The following EGLN2 variants were observed in gnomAD, a reference collection of about 807,000 sequenced individuals.
EGLN2 encodes the protein egl-9 family hypoxia inducible factor 2.
In EGLN2, 15 loss-of-function variants were observed where a neutral mutation model predicts 38.2. The observed-to-expected ratio is 0.39, with a 90% CI of 0.26 to 0.60. The LOEUF is 0.60. Ranked by LOEUF, EGLN2 falls within the 20% of genes least tolerant of loss-of-function variation. EGLN2 has a pLI of 0.50. For missense variants in EGLN2, 492 were observed against 570.4 expected (o/e 0.86, Z 1.40); for synonymous variants, 284 against 237.4 (o/e 1.20, Z -1.81).
chr19:40,807,854 C>T lies in EGLN2; in HGVS notation c.1214C>T (p.Thr405Met), dbSNP rs141698095. ...CAAGTACCTGTATCACAGCCGCCTA[C>T]GCCCACCTAGTGGCCAGTCCCAGAG... The part of the protein sequence containing the change: ...GVQVPVSQPP[T>M]PT The change falls in exon 6 of 6, where the codon ACG becomes ATG. Residue 405 changes from threonine (T) to methionine (M), a missense_variant. Physicochemically the swap from Thr to Met is moderately conservative, Grantham distance 81 (BLOSUM62 -1). Transcript: ENST00000303961. 961 of 1,614,140 alleles carry T rather than the reference C, an allele frequency of 6.0e-4. 1 individual carries two copies. The highest frequency in any genetic ancestry group is 5.9e-4 in the Non-Finnish European group (702 of 1,179,992).
chr19:40,806,490 A>G lies in EGLN2; in HGVS notation c.844-65A>G. 3.1e-6 allele frequency: 5 copies of G among 1,601,660 alleles called. No individual in the cohort carries two copies. In the South Asian group the frequency reaches 4.4e-5, roughly 14 times the overall value. Reference sequence around the variant, plus strand: ...GGAGGGGTGGGAAAATAGGTAATTCATGGCTGCTTCTCTAAGATGTGCCTG... The same window carrying G: ...GGAGGGGTGGGAAAATAGGTAATTCGTGGCTGCTTCTCTAAGATGTGCCTG... On this transcript the variant is annotated intron_variant, in intron 2 of 5. Transcript: ENST00000303961.
At chr19:40,802,521 G>A (rs1360243578) in intron 2 of EGLN2, among the ~76,000 whole-genome samples, 1 of 152,198 alleles carries the variant, frequency 6.6e-6, no homozygotes, top group Non-Finnish European at 1.5e-5. Flanking sequence ...GTATTTTGGA[G>A]CCTGGGTCTT....
At chr19:40,806,417 A>G (rs2145091276) in intron 2 of EGLN2, 138 bp from the exon 3 acceptor site, 3 of 1,465,100 alleles carry the variant, frequency 2.0e-6, no homozygotes, top group Admixed American at 2.4e-5. Flanking sequence ...CTTTTGGGGC[A>G]GGAGCTTGGA....
chr19:40,802,889 G>A lies in EGLN2; in HGVS notation c.843+1474G>A, dbSNP rs914548959. On this transcript the variant is annotated intron_variant, in intron 2 of 5. Transcript: ENST00000303961. ...CTGATGTCCTCTGCCTCCTCCTGCAGATCCCATCTTGGGTTCTGCTTCTGT... is the reference window on the plus strand; with the variant it reads ...CTGATGTCCTCTGCCTCCTCCTGCAAATCCCATCTTGGGTTCTGCTTCTGT... 2.0e-5 allele frequency among the ~76,000 whole-genome samples: 3 copies of A among 152,278 alleles called. No homozygotes were observed. The East Asian group carries it at 5.8e-4, about 29-fold the overall frequency.
intron 3 of EGLN2, chr19:40,806,934 CT>C: frequency 1.0e-6 from 1 of 971,904 alleles, no homozygotes; most frequent in Non-Finnish European, 1.5e-6. Context: ...GTAATGAACA[CT>C]TTCCCCCTTT....
chr19:40,800,316 C>CT (rs35057638), intron 1 of EGLN2, 23 bp from the exon 2 acceptor site: 8,565 of 390,398 alleles, frequency 0.022, no homozygotes, highest in Middle Eastern at 0.036. Context: ...TCTCACATCC[C>CT]TTTTTTTTTT....
intron 2 of EGLN2, chr19:40,803,027 T>C (rs1015678587): frequency 5.9e-5 from 9 of 152,286 alleles, no homozygotes; most frequent in African/African-American, 2.2e-4. Context: ...TCCCTCCCGT[T>C]ACTTGATAGC....
chr19:40,801,053 G>A lies in EGLN2; in HGVS notation c.481G>A (p.Ala161Thr). The A allele has an allele frequency of 1.2e-6, 2 of 1,612,880 alleles. No individual in the cohort carries two copies. Among genetic ancestry groups the A allele is most frequent in the South Asian group, 2.2e-5 (2 of 91,090 alleles). The stretch of plus-strand genomic sequence containing the variant: ...CAGCTGCAGCAGTGGCAGTGGTGAG[G>A]CCAGTGCTGGGCTGATGGAGGAGGC... Reference protein sequence around the residue: ...SCSCSSGSGEASAGLMEEALP... With the variant: ...SCSCSSGSGETSAGLMEEALP... The change falls in exon 2 of 6, where the codon GCC becomes ACC. Residue 161 changes from alanine to threonine, a missense_variant. Physicochemically the swap from Ala to Thr is moderately conservative, Grantham distance 58 (BLOSUM62 0). Around this residue, in one of 2 missense-constraint regions of EGLN2, gnomAD observed 378 missense variants for 386.2 expected, o/e 0.98. Transcript: ENST00000303961.
Position 40,807,894 on chromosome 19 carries a change from G to A in EGLN2, c.*30G>A. On this transcript the variant is annotated 3_prime_UTR_variant, in exon 6 of 6. Coordinates refer to ENST00000303961, the MANE Select transcript of EGLN2 (RefSeq NM_080732.4). Reference sequence around the variant, plus strand: ...CAGTCCCAGAGCCGCATGGCAGACAGCTTAAATGACTTCAGGAGAGCCCTG... The same window carrying A: ...CAGTCCCAGAGCCGCATGGCAGACAACTTAAATGACTTCAGGAGAGCCCTG... 1 of 1,610,614 alleles carries A rather than the reference G, an allele frequency of 6.2e-7. No homozygotes were observed. Among genetic ancestry groups the A allele is most frequent in the Non-Finnish European group, 8.5e-7 (1 of 1,177,148 alleles).
At position 40,807,591 on chromosome 19, in the gene EGLN2, GC is replaced by G. The variant is rs1568503579; in HGVS notation, c.1168+43del. 3 of 1,602,960 alleles carry G rather than the reference GC, an allele frequency of 1.9e-6. No individual in the cohort carries two copies. In the South Asian group the frequency reaches 3.3e-5, roughly 18 times the overall value. On this transcript the variant is annotated intron_variant, in intron 5 of 5. Transcript: ENST00000303961. The stretch of plus-strand genomic sequence containing the variant: ...CCCTTCAGTCCTTCCTATTCTGTGG[GC>G]CCTCTTGGGCCTGATGCCACCCCAT...
intron 2 of EGLN2, among the ~76,000 whole-genome samples, chr19:40,803,798 G>A (rs1288824351): frequency 6.6e-6 from 1 of 152,120 alleles, no homozygotes; most frequent in Non-Finnish European, 1.5e-5. Context: ...GCTTGGAGGT[G>A]GGACAGTCAC....
chr19:40,806,660 A>C lies in EGLN2; in HGVS notation c.949A>C (p.Asn317His). 1 of 1,613,978 alleles carries C rather than the reference A, an allele frequency of 6.2e-7. No individual in the cohort carries two copies. Among genetic ancestry groups the C allele is most frequent in the Non-Finnish European group, 8.5e-7 (1 of 1,179,954 alleles). ...CITCIYYLNQ[N>H]WDVKVHGGLL... is the part of the protein sequence containing the mutation. Reference sequence around the variant, plus strand: ...CACCTGTATCTATTACCTGAATCAGAACTGGGACGTTAAGGTAGGGGTGAG... The same window carrying C: ...CACCTGTATCTATTACCTGAATCAGCACTGGGACGTTAAGGTAGGGGTGAG... The change falls in exon 3 of 6, where the codon AAC becomes CAC. Residue 317 changes from asparagine to histidine, a missense_variant. Physicochemically the swap from Asn to His is moderately conservative, Grantham distance 68. Coordinates refer to ENST00000303961, the MANE Select transcript of EGLN2 (RefSeq NM_080732.4).
rs768041992 is a variant in EGLN2 at position 40,801,244 on chromosome 19, A to G, written c.672A>G (p.Leu224=). The stretch of plus-strand genomic sequence containing the variant: ...GTGGGCGCCTGCGAGACGGGCAGCT[A>G]GTGAGCCAGAGGGCGATCCCGCCGC... ...KRGGRLRDGQ[L]VSQRAIPPRS... The change falls in exon 2 of 6, where the codon CTA becomes CTG. Residue 224 remains leucine (L), a synonymous_variant. Coordinates refer to ENST00000303961, the MANE Select transcript of EGLN2 (RefSeq NM_080732.4). 4 of 1,612,684 alleles carry G rather than the reference A, an allele frequency of 2.5e-6. No individual in the cohort carries two copies. The highest frequency in any genetic ancestry group is 1.7e-5 in the Admixed American group (1 of 59,992).
intron 2 of EGLN2, among the ~76,000 whole-genome samples, chr19:40,802,062 T>G (rs932044911): frequency 5.3e-5 from 8 of 152,136 alleles, no homozygotes; most frequent in Non-Finnish European, 1.0e-4. Flanking sequence ...CCGTTCTCTG[T>G]TGCTGTCTGT....
chr19:40,808,140 A>G lies in EGLN2; in HGVS notation c.*276A>G. The G allele has an allele frequency of 3.6e-6, 2 of 552,212 alleles. No homozygotes were observed. Among genetic ancestry groups the G allele is most frequent in the Non-Finnish European group, 6.5e-6 (2 of 309,862 alleles). 34.2% of individuals were successfully genotyped at this position (552,212 alleles called of 1,614,324 possible). On this transcript the variant is annotated 3_prime_UTR_variant, in exon 6 of 6. Coordinates refer to ENST00000303961, the MANE Select transcript of EGLN2 (RefSeq NM_080732.4). ...GGCCTGGGTCCTACCCTGTCTGGTCATGACCCCATTAGGTATGGAGAGCTG... is the reference window on the plus strand; with the variant it reads ...GGCCTGGGTCCTACCCTGTCTGGTCGTGACCCCATTAGGTATGGAGAGCTG...
At position 40,807,805 on chromosome 19, in the gene EGLN2, C is replaced by G. The variant is rs1204701362; in HGVS notation, c.1169-4C>G. 6.2e-7 allele frequency: 1 copy of G among 1,614,124 alleles called. No individual in the cohort carries two copies. The highest frequency in any genetic ancestry group is 1.7e-5 in the Admixed American group (1 of 60,004). On this transcript the variant is annotated splice_region_variant and splice_polypyrimidine_tract_variant and intron_variant, in intron 5 of 5. Coordinates refer to ENST00000303961, the MANE Select transcript of EGLN2 (RefSeq NM_080732.4). ...CACTGTCTCCTGTCCCCTCTCACCC[C>G]CAGCATCAGGACAGAAAGGTGTCCA...
intron 3 of EGLN2, 126 bp from the exon 4 acceptor site, chr19:40,807,012 A>G: frequency 1.4e-6 from 2 of 1,434,300 alleles, no homozygotes; most frequent in Admixed American, 2.1e-5. Flanking sequence ...ATTCACTTTG[A>G]GAGCCCGAGG....
intron 1 of EGLN2, chr19:40,799,649 C>T (rs1015177139): frequency 1.3e-5 from 2 of 152,124 alleles, no homozygotes; most frequent in Non-Finnish European, 2.9e-5. Context: ...GTGCGTGCAC[C>T]CTCCTCCGTC....
Position 40,801,114 on chromosome 19 carries a change from A to G in EGLN2, c.542A>G (p.Tyr181Cys), listed in dbSNP as rs763604374. The change falls in exon 2 of 6, where the codon TAT becomes TGT. Residue 181 changes from tyrosine to cysteine, a missense_variant. Physicochemically the swap from Tyr to Cys is radical, Grantham distance 194. Coordinates refer to ENST00000303961, the MANE Select transcript of EGLN2 (RefSeq NM_080732.4). ...PSAPERLALD[Y>C]IVPCMRYYGI... is the part of the protein sequence containing the mutation. ...GCGCCCGAGCGCCTGGCCCTGGACT[A>G]TATCGTGCCCTGCATGCGGTACTAC... is the stretch of plus-strand genomic sequence containing the variant. The G allele has an allele frequency of 8.7e-6, 14 of 1,612,784 alleles. No individual in the cohort carries two copies. Among genetic ancestry groups the G allele is most frequent in the Middle Eastern group, 1.6e-4 (1 of 6,084 alleles).
Sources: gnomAD v4.1 joint callset for allele counts (sites outside exome capture counted in the v4.1 genomes callset) on GRCh38, gnomAD v4.1.1 for gene constraint, gnomAD v4.1.1 regional missense constraint, MANE v1.5 for transcripts, NCBI Gene and HGNC (gene_info 2026-07-23, HGNC 2026-07-21) for gene names.